The following PPFIA2 variants were observed in gnomAD, a reference collection of about 807,000 sequenced individuals.
PPFIA2 encodes the protein PPFI scaffold protein A2.
Under a neutral mutation model 175.5 loss-of-function variants are expected in PPFIA2, and 46 were observed. The observed-to-expected ratio is 0.26, with a 90% CI of 0.21 to 0.34. The LOEUF (loss-of-function observed/expected upper bound fraction) is 0.34. PPFIA2 is among the 10% of genes least tolerant of loss of function. The probability of loss-of-function intolerance (pLI) is 1.00; values close to 1 mark genes in which losing one functional copy is unlikely to be tolerated. For synonymous variants in PPFIA2, 568 were observed against 511.4 expected, an observed-to-expected ratio of 1.11 and a Z score of -1.49; for missense variants, 1,179 against 1,506.1, an observed-to-expected ratio of 0.78 and a Z score of 3.60.
intron 3 of PPFIA2, among the ~76,000 whole-genome samples, chr12:81,706,943 G>A (rs2077232616): frequency 6.6e-6 from 1 of 152,096 alleles, no homozygotes; most frequent in Non-Finnish European, 1.5e-5. Context: ...TTTAATAAAT[G>A]GTGCTGGGAA....
chr12:81,386,591 C>T (rs1225566259), intron 8 of PPFIA2, among the ~76,000 whole-genome samples: 1 of 151,792 alleles, frequency 6.6e-6, no homozygotes, highest in Non-Finnish European at 1.5e-5. Context: ...TAGCGCACTC[C>T]AGCCTGGGTG....
chr12:81,747,204 G>A (rs2464736), intron 3 of PPFIA2, among the ~76,000 whole-genome samples: 23,474 of 143,066 alleles, frequency 0.16, 5,011 homozygotes, highest in Non-Finnish European at 0.22. Context: ...GGTAAAAGAT[G>A]GAGCATGCTT....
chr12:81,627,668 A>G (rs187693394), intron 4 of PPFIA2, among the ~76,000 whole-genome samples: 20 of 152,286 alleles, frequency 1.3e-4, no homozygotes, highest in African/African-American at 4.6e-4. Context: ...ACTCTTTTAT[A>G]CATTCTGACA....
At chr12:81,423,749 A>G (rs2046691877) in intron 7 of PPFIA2, among the ~76,000 whole-genome samples, 1 of 152,174 alleles carries the variant, frequency 6.6e-6, no homozygotes, top group African/African-American at 2.4e-5. Flanking sequence ...AGCCATAGCA[A>G]TTAGACAGGG....
intron 28 of PPFIA2, among the ~76,000 whole-genome samples, chr12:81,268,715 A>G (rs1050714451): frequency 6.6e-6 from 1 of 152,210 alleles, no homozygotes; most frequent in Non-Finnish European, 1.5e-5. Flanking sequence ...CTGAAGTTCA[A>G]TATTTTTACC....
intron 22 of PPFIA2, among the ~76,000 whole-genome samples, chr12:81,322,100 G>A (rs2053783696): frequency 6.6e-6 from 1 of 152,144 alleles, no homozygotes; most frequent in Non-Finnish European, 1.5e-5. Flanking sequence ...GCCTCCCCAA[G>A]TGCTCGGATT....
chr12:81,549,346 C>T (rs749608856), intron 4 of PPFIA2, among the ~76,000 whole-genome samples: 30 of 151,794 alleles, frequency 2.0e-4, no homozygotes, highest in Non-Finnish European at 3.8e-4. Context: ...AATGTATATT[C>T]TAAGAAAAAA....
intron 4 of PPFIA2, among the ~76,000 whole-genome samples, chr12:81,611,064 A>G (rs1358072206): frequency 2.6e-5 from 4 of 152,236 alleles, no homozygotes; most frequent in Admixed American, 2.6e-4. Flanking sequence ...AGCTAGGCTG[A>G]TACCTAGTCC....
intron 9 of PPFIA2, among the ~76,000 whole-genome samples, chr12:81,381,077 C>G (rs969818851): frequency 2.0e-5 from 3 of 151,626 alleles, no homozygotes; most frequent in Non-Finnish European, 4.4e-5. Flanking sequence ...TCATCAACGC[C>G]ATCAGTTCCT....
intron 20 of PPFIA2, 75 bp from the exon 21 acceptor site, chr12:81,339,409 C>T: frequency 8.6e-7 from 1 of 1,164,382 alleles, no homozygotes; most frequent in East Asian, 2.9e-5. Context: ...ATAAAATGCA[C>T]CAAAGGAGGA....
chr12:81,711,399 A>G (rs531841503), intron 3 of PPFIA2, among the ~76,000 whole-genome samples: 1 of 151,500 alleles, frequency 6.6e-6, no homozygotes, highest in South Asian at 2.1e-4. Context: ...TGAAATGCCA[A>G]GATTTTCATG....
At chr12:81,566,894 G>A (rs1423082380) in intron 4 of PPFIA2, among the ~76,000 whole-genome samples, 1 of 152,196 alleles carries the variant, frequency 6.6e-6, no homozygotes, top group Admixed American at 6.5e-5. Flanking sequence ...GTACTCAACT[G>A]TACATACGTG....
intron 4 of PPFIA2, among the ~76,000 whole-genome samples, chr12:81,460,288 G>A (rs1381053684): frequency 6.6e-6 from 1 of 151,938 alleles, no homozygotes. Flanking sequence ...GCTTTCATTT[G>A]GTCCTCATTC....
chr12:81,581,359 G>A (rs1462397587), intron 4 of PPFIA2, among the ~76,000 whole-genome samples: 1 of 151,750 alleles, frequency 6.6e-6, no homozygotes, highest in Non-Finnish European at 1.5e-5. Context: ...TGTGAGTACA[G>A]TTAAACTATC....
intron 21 of PPFIA2, among the ~76,000 whole-genome samples, chr12:81,330,138 A>T (rs2055799179): frequency 6.6e-6 from 1 of 152,194 alleles, no homozygotes; most frequent in Admixed American, 6.5e-5. Context: ...CCTGGCAAGT[A>T]GAGCCAGGGA....
intron 26 of PPFIA2, among the ~76,000 whole-genome samples, chr12:81,281,697 C>T (rs550898426): frequency 6.7e-4 from 102 of 152,070 alleles, no homozygotes; most frequent in African/African-American, 2.4e-3. Flanking sequence ...TACATTTTGT[C>T]CAAGTATGTA....
intron 4 of PPFIA2, among the ~76,000 whole-genome samples, chr12:81,482,023 A>C (rs2058289962): frequency 6.6e-6 from 1 of 152,212 alleles, no homozygotes; most frequent in Non-Finnish European, 1.5e-5. Flanking sequence ...AGAATCTACA[A>C]AGAACTTAAA....
At chr12:81,409,493 T>C (rs746078268) in intron 7 of PPFIA2, among the ~76,000 whole-genome samples, 8 of 152,214 alleles carry the variant, frequency 5.3e-5, no homozygotes, top group Non-Finnish European at 8.8e-5. Flanking sequence ...GGATGGAGTT[T>C]GCCCCTCATC....
At chr12:81,508,005 A>G (rs1409862865) in intron 4 of PPFIA2, among the ~76,000 whole-genome samples, 1 of 152,156 alleles carries the variant, frequency 6.6e-6, no homozygotes, top group Non-Finnish European at 1.5e-5. Flanking sequence ...AATACCAAAG[A>G]GTATCTACTC....
Sources: allele counts gnomAD v4.1 joint callset (sites outside exome capture counted in the v4.1 genomes callset), GRCh38; gene constraint gnomAD v4.1.1; transcripts MANE v1.5; gene names NCBI Gene and HGNC (gene_info 2026-07-23, HGNC 2026-07-21).